Variants in EFTUD2 observed in about 807,000 individuals in gnomAD.
The protein encoded by EFTUD2 is elongation factor Tu GTP binding domain containing 2, also known as 116 kDa U5 small nuclear ribonucleoprotein component.
EFTUD2 carries 9 observed loss-of-function variants against 114.3 expected under a neutral mutation model. The observed-to-expected ratio is 0.08, with a 90% CI of 0.05 to 0.14. The LOEUF is 0.14. Among genes scored for constraint, EFTUD2 ranks in the 10% least tolerant of loss-of-function variants. The pLI is 1.00. For missense variants in EFTUD2, 765 were observed against 1,241.2 expected, an observed-to-expected ratio of 0.62 and a Z score of 5.76; for synonymous variants, 449 against 462.3, an observed-to-expected ratio of 0.97 and a Z score of 0.37.
chr17:44,860,553 T>C lies in EFTUD2; in HGVS notation c.1608-10A>G, dbSNP rs900267698. 3 of 1,580,802 alleles carry C rather than the reference T, an allele frequency of 1.9e-6. No homozygotes were observed. Among genetic ancestry groups the C allele is most frequent in the Non-Finnish European group, 2.6e-6 (3 of 1,150,068 alleles). On this transcript the variant is annotated splice_polypyrimidine_tract_variant and intron_variant, in intron 16 of 27. Coordinates refer to ENST00000426333, the MANE Select transcript of EFTUD2 (RefSeq NM_004247.4). ...CACCTCGATGTGGTACCTGAAGCAA[T>C]GTCCAATAAGCAGCAGTGAAACTTA...
chr17:44,854,855 C>A lies in EFTUD2; in HGVS notation c.2132+63G>T. The A allele has an allele frequency of 6.3e-7, 1 of 1,576,816 alleles. No homozygotes were observed. The highest frequency in any genetic ancestry group is 1.1e-5 in the South Asian group (1 of 90,274). On this transcript the variant is annotated intron_variant, in intron 21 of 27. Coordinates refer to ENST00000426333, the MANE Select transcript of EFTUD2 (RefSeq NM_004247.4). This position sits in a 1 kb window ranked among gnomAD's most constrained non-coding sequence, Gnocchi z 4.3. ...CAGAAAGATGTGTGCTCTTAGAGACCCGGCAGTTAAACTGTGGCATCCCTG... is the reference window on the plus strand; with the variant it reads ...CAGAAAGATGTGTGCTCTTAGAGACACGGCAGTTAAACTGTGGCATCCCTG...
chr17:44,866,617 G>A (rs1437043767), intron 13 of EFTUD2, among the ~76,000 whole-genome samples: 3 of 152,100 alleles, frequency 2.0e-5, no homozygotes, highest in African/African-American at 7.2e-5. Flanking sequence ...GGACTCAAGT[G>A]ATCCTCCCGC....
At chr17:44,885,152 G>A (rs533508996) in intron 4 of EFTUD2, 104 bp downstream of exon 4, 5 of 846,602 alleles carry the variant, frequency 5.9e-6, no homozygotes, top group Non-Finnish European at 7.8e-6. Context: ...AGCTATGTAC[G>A]GCCACAATTT....
intron 19 of EFTUD2, among the ~76,000 whole-genome samples, chr17:44,857,950 C>T (rs1426799043): frequency 2.4e-5 from 3 of 126,546 alleles, no homozygotes; most frequent in African/African-American, 1.0e-4. Flanking sequence ...GAGACAGAGT[C>T]TCGCCCTATC....
chr17:44,883,752 A>G (rs1273448598), intron 4 of EFTUD2, 28 bp from the exon 5 acceptor site: 1 of 1,610,720 alleles, frequency 6.2e-7, no homozygotes, highest in Non-Finnish European at 8.5e-7. Flanking sequence ...AAGAGAAAAG[A>G]GAGATTGGCA....
intron 25 of EFTUD2, 76 bp from the exon 26 acceptor site, chr17:44,852,638 T>C: frequency 6.5e-7 from 1 of 1,535,458 alleles, no homozygotes; most frequent in Middle Eastern, 2.0e-4. Flanking sequence ...GCATTTGCTG[T>C]CCCCCAAATG....
At chr17:44,856,116 G>A (rs1220592137) in intron 20 of EFTUD2, among the ~76,000 whole-genome samples, 1 of 121,790 alleles carries the variant, frequency 8.2e-6, no homozygotes, top group Admixed American at 9.0e-5. Context: ...GGGTGACGAA[G>A]TGAGACCCTG....
chr17:44,875,843 T>G (rs748823805), intron 10 of EFTUD2, 91 bp downstream of exon 10: 209 of 1,508,110 alleles, frequency 1.4e-4, no homozygotes, highest in Non-Finnish European at 1.8e-4. Context: ...CAACACACGC[T>G]TAGAAATAAA....
intron 6 of EFTUD2, 34 bp downstream of exon 6, chr17:44,883,059 T>G (rs1475840954): frequency 6.2e-7 from 1 of 1,609,456 alleles, no homozygotes; most frequent in Admixed American, 1.7e-5. Context: ...TTCTGAATGG[T>G]TCATCCTAAA....
In EFTUD2 at chr17:44,854,979, G is replaced by T; in HGVS notation, c.2071C>A (p.Pro691Thr). The change falls in exon 21 of 28, where the codon CCT (proline) becomes ACT (threonine). Residue 691 changes from proline to threonine, a missense_variant. This residue lies in a region of EFTUD2 where 166 missense variants were observed against 401.5 expected (regional missense o/e 0.41). Transcript: ENST00000426333. This position sits in a 1 kb window ranked among gnomAD's most constrained non-coding sequence, Gnocchi z 4.3. ...TCCTCTGCCAGGCCCTTCTCAAGAG[G>T]CTCAGCAATCATGGTGATCTTGTTC... The part of the protein sequence containing the change: ...KKNKITMIAE[P>T]LEKGLAEDIE... 6.2e-7 allele frequency: 1 copy of T among 1,614,154 alleles called. No individual in the cohort carries two copies. The highest frequency in any genetic ancestry group is 1.3e-5 in the African/African-American group (1 of 75,034).
At chr17:44,853,188 G>C (rs1597788029) in intron 25 of EFTUD2, 108 bp downstream of exon 25, 1 of 1,166,824 alleles carries the variant, frequency 8.6e-7, no homozygotes, top group African/African-American at 1.5e-5. Context: ...GGGGTTTCCA[G>C]AGAGAGGAGG....
At position 44,853,299 on chromosome 17, in the gene EFTUD2, C is replaced by T. The variant is rs2145434142; in HGVS notation, c.2558G>A (p.Arg853His). Reference sequence around the variant, plus strand: ...TAATACGCCTGGGGCCGCTCACCTGCGCCTGGCCAGGACGGTATAAACTGC... The same window carrying T: ...TAATACGCCTGGGGCCGCTCACCTGTGCCTGGCCAGGACGGTATAAACTGC... ...VSAVYTVLAR[R>H]RGHVTQDAPI... Residue 853 changes from arginine (R) to histidine (H), a missense_variant, in exon 25 of 28, where the codon CGC becomes CAC. Coordinates refer to ENST00000426333, the MANE Select transcript of EFTUD2 (RefSeq NM_004247.4). The T allele has an allele frequency of 2.5e-6, 4 of 1,613,788 alleles. No individual in the cohort carries two copies. The highest frequency in any genetic ancestry group is 2.2e-5 in the East Asian group (1 of 44,856).
At chr17:44,857,477 A>C in intron 19 of EFTUD2, 4 of 312,742 alleles carry the variant, frequency 1.3e-5, no homozygotes, top group East Asian at 1.5e-4. Context: ...TCACTGAACA[A>C]CCCCCATGGG....
chr17:44,863,005 A>G (rs1483447954), intron 15 of EFTUD2, 99 bp from the exon 16 acceptor site: 3 of 993,104 alleles, frequency 3.0e-6, no homozygotes, highest in Non-Finnish European at 4.5e-6. Flanking sequence ...GAGCTCTATG[A>G]GGAGCTAGAG....
intron 25 of EFTUD2, among the ~76,000 whole-genome samples, chr17:44,853,029 C>T (rs531311751): frequency 9.2e-5 from 14 of 152,234 alleles, no homozygotes; most frequent in African/African-American, 3.1e-4. Flanking sequence ...TACAGGCACC[C>T]GCCACCACGC....
intron 2 of EFTUD2, among the ~76,000 whole-genome samples, chr17:44,893,773 G>GGA (rs1356409068): frequency 2.5e-4 from 32 of 130,096 alleles, no homozygotes; most frequent in African/African-American, 8.6e-4. Flanking sequence ...AAGGTGGGGG[G>GGA]GGGGGTGGGG....
At chr17:44,855,557 ACT>A (rs1246709759) in intron 20 of EFTUD2, among the ~76,000 whole-genome samples, 1 of 149,948 alleles carries the variant, frequency 6.7e-6, no homozygotes, top group Non-Finnish European at 1.5e-5. Flanking sequence ...ACCGTGCAAG[ACT>A]CTGTCTCAAA....
At chr17:44,868,643 C>A (rs569870255) in intron 11 of EFTUD2, among the ~76,000 whole-genome samples, 1 of 152,188 alleles carries the variant, frequency 6.6e-6, no homozygotes, top group South Asian at 2.1e-4. Context: ...TGTTTTCCTT[C>A]GATGGAACAG....
intron 2 of EFTUD2, among the ~76,000 whole-genome samples, chr17:44,887,626 A>G (rs901537468): frequency 6.6e-6 from 1 of 152,196 alleles, no homozygotes; most frequent in African/African-American, 2.4e-5. Context: ...AATATTCAGA[A>G]TAGGCGAATC....
Sources: allele counts gnomAD v4.1 joint callset (sites outside exome capture counted in the v4.1 genomes callset), GRCh38; gene constraint gnomAD v4.1.1; regional missense constraint gnomAD v4.1.1; non-coding constraint Gnocchi (gnomAD v3.1); transcripts MANE v1.5; gene names NCBI Gene and HGNC (gene_info 2026-07-23, HGNC 2026-07-21).